Variants in GPC6 observed in about 807,000 individuals in gnomAD.
The protein encoded by GPC6 is glypican 6.
Under a neutral mutation model 55.2 loss-of-function variants are expected in GPC6, and 14 were observed. The ratio of observed to expected loss-of-function variants is 0.25; its 90% CI spans 0.17 to 0.40. The LOEUF (loss-of-function observed/expected upper bound fraction) is 0.40, where lower values mean the gene tolerates loss of function less well. Ranked by LOEUF, GPC6 falls within the 10% of genes least tolerant of loss-of-function variation. The pLI is 1.00. For missense variants in GPC6, 641 were observed against 708.5 expected, an observed-to-expected ratio of 0.90 and a Z score of 1.08; for synonymous variants, 278 against 259.6, an observed-to-expected ratio of 1.07 and a Z score of -0.68.
At chr13:93,388,386 A>G (rs906025801) in intron 1 of GPC6, among the ~76,000 whole-genome samples, 6 of 152,182 alleles carry the variant, frequency 3.9e-5, no homozygotes, top group African/African-American at 1.2e-4. Context: ...CTCAAGTTCA[A>G]TCCCTTGGGG....
chr13:93,780,522 C>T (rs1331869348), intron 2 of GPC6, among the ~76,000 whole-genome samples: 1 of 151,728 alleles, frequency 6.6e-6, no homozygotes, highest in Non-Finnish European at 1.5e-5. Flanking sequence ...CATTATTAAA[C>T]AGCTGGCACT....
At chr13:93,322,691 C>T (rs1291386953) in intron 1 of GPC6, among the ~76,000 whole-genome samples, 1 of 152,106 alleles carries the variant, frequency 6.6e-6, no homozygotes, top group African/African-American at 2.4e-5. Context: ...CCGCCCGCCT[C>T]AGCCTCCCAA....
intron 1 of GPC6, among the ~76,000 whole-genome samples, chr13:93,471,868 C>T (rs1254575263): frequency 6.6e-6 from 1 of 152,086 alleles, no homozygotes; most frequent in African/African-American, 2.4e-5. Flanking sequence ...GGCAGAGTAA[C>T]CTATAAATGT....
chr13:93,958,471 G>A (rs1433650181), intron 3 of GPC6, among the ~76,000 whole-genome samples: 5 of 152,054 alleles, frequency 3.3e-5, no homozygotes, highest in African/African-American at 9.7e-5. Context: ...CCCATTGCTC[G>A]TTTCTGTTGG....
At chr13:93,526,393 C>T (rs7999055) in intron 1 of GPC6, among the ~76,000 whole-genome samples, 23,542 of 151,792 alleles carry the variant, frequency 0.16, 2,113 homozygotes, top group African/African-American at 0.22. Context: ...ATGTAGACCC[C>T]GAATACTTAT....
At chr13:94,046,491 A>T (rs1395909476) in intron 4 of GPC6, among the ~76,000 whole-genome samples, 1 of 152,036 alleles carries the variant, frequency 6.6e-6, no homozygotes, top group Admixed American at 6.6e-5. Context: ...GATTCCCTTT[A>T]AAGGGCTCAG....
chr13:93,963,065 A>AT (rs1168363767), intron 3 of GPC6, among the ~76,000 whole-genome samples: 8 of 152,068 alleles, frequency 5.3e-5, no homozygotes, highest in South Asian at 2.1e-4. Flanking sequence ...GCTGTGTAGC[A>AT]TTTTTTTATA....
chr13:94,182,863 C>A (rs1199516413), intron 4 of GPC6, among the ~76,000 whole-genome samples: 1 of 152,154 alleles, frequency 6.6e-6, no homozygotes, highest in Non-Finnish European at 1.5e-5. Context: ...ACAGCCTGAA[C>A]CCCTCAGGTT....
At chr13:93,965,196 G>C (rs928078897) in intron 3 of GPC6, among the ~76,000 whole-genome samples, 1 of 145,740 alleles carries the variant, frequency 6.9e-6, no homozygotes, top group Admixed American at 7.0e-5. Context: ...CAGATCACAC[G>C]GTCAGGAGAT....
chr13:93,448,275 C>G (rs1878087616), intron 1 of GPC6, among the ~76,000 whole-genome samples: 1 of 152,140 alleles, frequency 6.6e-6, no homozygotes, highest in African/African-American at 2.4e-5. Context: ...GGTATAATTT[C>G]CTTACATTAT....
intron 2 of GPC6, among the ~76,000 whole-genome samples, chr13:93,820,363 A>G (rs757686404): frequency 2.3e-4 from 35 of 151,998 alleles, no homozygotes; most frequent in Non-Finnish European, 2.9e-4. Flanking sequence ...TTAATTTATA[A>G]TGTTTAAGAG....
intron 2 of GPC6, among the ~76,000 whole-genome samples, chr13:93,817,924 A>G (rs1411644087): frequency 6.7e-6 from 1 of 148,716 alleles, no homozygotes; most frequent in Non-Finnish European, 1.5e-5. Context: ...TACCTATAAT[A>G]TCTATTATAG....
chr13:93,688,479 C>T (rs1594373195), intron 2 of GPC6, among the ~76,000 whole-genome samples: 3 of 152,128 alleles, frequency 2.0e-5, no homozygotes, highest in Non-Finnish European at 2.9e-5. Flanking sequence ...CTATGTTCAT[C>T]GCAGTGTTTT....
intron 4 of GPC6, among the ~76,000 whole-genome samples, chr13:94,071,205 A>G (rs956354452): frequency 6.6e-6 from 1 of 152,164 alleles, no homozygotes; most frequent in Non-Finnish European, 1.5e-5. Flanking sequence ...GCACCTAAGC[A>G]TATTTGGTTA....
intron 1 of GPC6, among the ~76,000 whole-genome samples, chr13:93,276,901 G>T (rs1007398640): frequency 2.0e-5 from 3 of 152,138 alleles, no homozygotes; most frequent in African/African-American, 4.8e-5. Flanking sequence ...GACTTGCAAA[G>T]AATTTCTATT....
At chr13:93,396,589 A>AATAATAATC (rs1190461883) in intron 1 of GPC6, among the ~76,000 whole-genome samples, 1 of 151,620 alleles carries the variant, frequency 6.6e-6, no homozygotes, top group Non-Finnish European at 1.5e-5. Context: ...TAATAATAAT[A>AATAATAATC]ATAATAATAA....
intron 1 of GPC6, among the ~76,000 whole-genome samples, chr13:93,354,354 T>TTTTTTGTTG (rs1555293312): frequency 2.3e-4 from 32 of 138,776 alleles, no homozygotes; most frequent in African/African-American, 7.1e-4. Flanking sequence ...GGTAGATTTT[T>TTTTTTGTTG]TTTTTTTTTT....
chr13:93,348,745 C>G (rs1194224196), intron 1 of GPC6, among the ~76,000 whole-genome samples: 1 of 152,144 alleles, frequency 6.6e-6, no homozygotes, highest in Non-Finnish European at 1.5e-5. Flanking sequence ...TTGGATAAAA[C>G]ATTCTGTCAT....
chr13:94,325,128 A>C (rs1877046567), intron 6 of GPC6, among the ~76,000 whole-genome samples: 1 of 152,038 alleles, frequency 6.6e-6, no homozygotes, highest in Non-Finnish European at 1.5e-5. Flanking sequence ...TTTGGGGAAA[A>C]GAAAAGGGAA....
Sources: allele counts gnomAD v4.1 joint callset (sites outside exome capture counted in the v4.1 genomes callset), GRCh38; gene constraint gnomAD v4.1.1; transcripts MANE v1.5; gene names NCBI Gene and HGNC (gene_info 2026-07-23, HGNC 2026-07-21).